GRIA4: variants seen among roughly 807,000 people sequenced by gnomAD.
The protein encoded by GRIA4 is glutamate receptor 4.
Under a neutral mutation model 104.0 loss-of-function variants are expected in GRIA4, and 34 were observed. The ratio of observed to expected loss-of-function variants is 0.33; its 90% CI spans 0.25 to 0.44. The LOEUF (loss-of-function observed/expected upper bound fraction) is 0.44. GRIA4 is among the 20% of genes least tolerant of loss of function. The pLI is 1.00. For missense variants in GRIA4, 750 were observed against 1,096.5 expected, an observed-to-expected ratio of 0.68 and a Z score of 4.46; for synonymous variants, 386 against 381.9, an observed-to-expected ratio of 1.01 and a Z score of -0.13.
intron 14 of GRIA4, among the ~76,000 whole-genome samples, chr11:105,959,545 A>C (rs1379537169): frequency 6.6e-6 from 1 of 152,148 alleles, no homozygotes; most frequent in Non-Finnish European, 1.5e-5. Flanking sequence ...TTGGGTTAAA[A>C]CATGCATTTT....
chr11:105,693,560 G>C (rs1014254493), intron 3 of GRIA4, among the ~76,000 whole-genome samples: 3 of 151,936 alleles, frequency 2.0e-5, no homozygotes, highest in Admixed American at 6.6e-5. Flanking sequence ...TTTTTTTCCT[G>C]CATATTTACA....
At chr11:105,844,420 G>A (rs187994084) in intron 4 of GRIA4, among the ~76,000 whole-genome samples, 2 of 152,290 alleles carry the variant, frequency 1.3e-5, no homozygotes, top group Admixed American at 6.5e-5. Flanking sequence ...AGTAAATTAT[G>A]AATTCTAGTG....
chr11:105,629,325 A>T (rs1950972520), intron 3 of GRIA4, among the ~76,000 whole-genome samples: 1 of 151,922 alleles, frequency 6.6e-6, no homozygotes, highest in Non-Finnish European at 1.5e-5. Context: ...TAGTGATAGT[A>T]ATACTCTAGA....
intron 13 of GRIA4, among the ~76,000 whole-genome samples, 183 bp from the exon 14 acceptor site, chr11:105,933,539 C>T (rs1297772817): frequency 1.3e-5 from 2 of 151,994 alleles, no homozygotes; most frequent in East Asian, 3.9e-4. Flanking sequence ...TTTCCTTAAA[C>T]AGTGTTAAAA....
At chr11:105,722,789 C>G (rs558523038) in intron 3 of GRIA4, among the ~76,000 whole-genome samples, 1 of 151,938 alleles carries the variant, frequency 6.6e-6, no homozygotes, top group Non-Finnish European at 1.5e-5. Flanking sequence ...CATTGTATTA[C>G]ATACATAAAA....
intron 12 of GRIA4, among the ~76,000 whole-genome samples, chr11:105,925,941 T>A (rs939339352): frequency 6.6e-6 from 1 of 152,030 alleles, no homozygotes; most frequent in African/African-American, 2.4e-5. Context: ...TTCTCTGGAT[T>A]TTTTTACTCA....
intron 14 of GRIA4, chr11:105,965,908 C>A: frequency 7.5e-7 from 1 of 1,329,894 alleles, no homozygotes; most frequent in Non-Finnish European, 1.1e-6. Flanking sequence ...ATCTTAACAG[C>A]TGTGCAGTTT....
In GRIA4 at chr11:105,827,474, T is replaced by C. The variant is rs191489734; in HGVS notation, c.488-34550T>C. On this transcript the variant is annotated intron_variant, in intron 4 of 16. Transcript: ENST00000282499. ...AAAAATTTTCTCATGTTAAATAAAC[T>C]TATCTTAAAATAAATCTTCTTCATT... is the stretch of plus-strand genomic sequence containing the variant. Among the ~76,000 whole-genome samples, 156 of 152,164 alleles carry C rather than the reference T, an allele frequency of 1.0e-3. 1 individual carries two copies. Among genetic ancestry groups the C allele is most frequent in the Non-Finnish European group, 3.5e-4 (24 of 67,962 alleles).
chr11:105,816,731 G>C (rs1197079814), intron 4 of GRIA4, among the ~76,000 whole-genome samples: 2 of 152,114 alleles, frequency 1.3e-5, no homozygotes, highest in Non-Finnish European at 1.5e-5. Context: ...CTCAGGCTCT[G>C]TCTGGGTGCA....
At chr11:105,794,432 GGTGTGTGTGT>G (rs71041628) in intron 4 of GRIA4, among the ~76,000 whole-genome samples, 6 of 100,544 alleles carry the variant, frequency 6.0e-5, no homozygotes, top group East Asian at 6.1e-4. Context: ...TGTGTGCCGG[GGTGTGTGTGT>G]GTGTGTGTGT....
intron 3 of GRIA4, among the ~76,000 whole-genome samples, chr11:105,705,944 T>C (rs953039016): frequency 6.6e-6 from 1 of 152,230 alleles, no homozygotes; most frequent in Non-Finnish European, 1.5e-5. Context: ...TGCATGAGGT[T>C]ATTCATTGCA....
intron 9 of GRIA4, 141 bp from the exon 10 acceptor site, chr11:105,910,294 C>T (rs922310883): frequency 3.5e-5 from 17 of 490,514 alleles, no homozygotes; most frequent in Non-Finnish European, 6.2e-5. Context: ...CTTCTGAACA[C>T]TTTTTTTTTT....
intron 4 of GRIA4, among the ~76,000 whole-genome samples, chr11:105,850,910 T>C (rs1392567386): frequency 6.6e-6 from 1 of 152,090 alleles, no homozygotes; most frequent in Non-Finnish European, 1.5e-5. Flanking sequence ...CCAAACTGAA[T>C]GGAATTAAGT....
intron 14 of GRIA4, among the ~76,000 whole-genome samples, chr11:105,948,517 AATTAT>A (rs923748098): frequency 6.6e-6 from 1 of 151,416 alleles, no homozygotes. Context: ...AATAAAAATA[AATTAT>A]ATTATTCTAA....
chr11:105,889,774 T>G (rs1450011078), intron 6 of GRIA4, among the ~76,000 whole-genome samples: 1 of 152,130 alleles, frequency 6.6e-6, no homozygotes, highest in African/African-American at 2.4e-5. Context: ...ATAAAAATAC[T>G]AAGGAATCAA....
chr11:105,790,788 G>A (rs1353175332), intron 4 of GRIA4, among the ~76,000 whole-genome samples: 1 of 152,174 alleles, frequency 6.6e-6, no homozygotes, highest in Admixed American at 6.5e-5. Flanking sequence ...ATCCAGAAAA[G>A]ATGAAGAGAA....
chr11:105,911,026 A>G (rs1467150733), intron 10 of GRIA4, among the ~76,000 whole-genome samples: 1 of 152,128 alleles, frequency 6.6e-6, no homozygotes, highest in Non-Finnish European at 1.5e-5. Flanking sequence ...ACAATAGTGA[A>G]GATGTGACTG....
intron 3 of GRIA4, among the ~76,000 whole-genome samples, chr11:105,684,774 ACTGTTT>A: frequency 6.6e-6 from 1 of 151,768 alleles, no homozygotes. Context: ...AATTGTTAAT[ACTGTTT>A]AAATTGACGT....
rs1199631242 is a variant in GRIA4, at chr11:105,918,858, T to C, written c.1416T>C (p.Tyr472=). ...TTGCCATTGTCCCTGATGGAAAATA[T>C]GGAGCAAGGGATGCAGACACAAAAA... The part of the protein sequence containing the change: ...YKIAIVPDGK[Y]GARDADTKIW... The change falls in exon 11 of 17, where the codon TAT becomes TAC. Residue 472 remains tyrosine, a synonymous_variant. Coordinates refer to ENST00000282499, the MANE Select transcript of GRIA4 (RefSeq NM_000829.4). The C allele has an allele frequency of 2.4e-5, 38 of 1,611,896 alleles. No homozygotes were observed. Among genetic ancestry groups the C allele is most frequent in the Non-Finnish European group, 3.1e-5 (36 of 1,178,312 alleles).
Sources: gnomAD v4.1 joint callset for allele counts (sites outside exome capture counted in the v4.1 genomes callset) on GRCh38, gnomAD v4.1.1 for gene constraint, MANE v1.5 for transcripts, NCBI Gene and HGNC (gene_info 2026-07-23, HGNC 2026-07-21) for gene names.